The following OVCH1 variants were observed in gnomAD, a reference collection of about 807,000 sequenced individuals.
OVCH1 encodes the protein ovochymase-1.
OVCH1 carries 139 observed loss-of-function variants against 138.4 expected under a neutral mutation model. The observed-to-expected ratio is 1.00, with a 90% CI of 0.87 to 1.16. OVCH1 has a LOEUF of 1.16. OVCH1 is among the 50% of genes most tolerant of loss of function. The pLI, the probability that OVCH1 is intolerant of heterozygous loss-of-function variation, is 0.00. For missense variants in OVCH1, 1,367 were observed against 1,357.9 expected, an observed-to-expected ratio of 1.01 and a Z score of -0.11; for synonymous variants, 453 against 467.8, an observed-to-expected ratio of 0.97 and a Z score of 0.41.
intron 24 of OVCH1, among the ~76,000 whole-genome samples, 176 bp downstream of exon 24, chr12:29,443,969 T>G (rs1321290720): frequency 6.6e-6 from 1 of 152,134 alleles, no homozygotes; most frequent in Non-Finnish European, 1.5e-5. Context: ...AAGGACATTC[T>G]TATATTGTTT....
At chr12:29,439,987 G>C (rs1407834431) in intron 25 of OVCH1, among the ~76,000 whole-genome samples, 1 of 152,182 alleles carries the variant, frequency 6.6e-6, no homozygotes, top group Non-Finnish European at 1.5e-5. Flanking sequence ...CACCCTCCGT[G>C]TGTTCACCAA....
intron 16 of OVCH1, among the ~76,000 whole-genome samples, chr12:29,468,403 T>A (rs1942390203): frequency 6.6e-6 from 1 of 152,198 alleles, no homozygotes; most frequent in Non-Finnish European, 1.5e-5. Flanking sequence ...GTTTATTAAT[T>A]TCAATTGATT....
In OVCH1 at chr12:29,485,003, T is replaced by C. The variant is rs142069151; in HGVS notation, c.995+1243A>G. ...AAACATTTCTGAATTCACCATAATTTGAATCAAAATCAAAACTTTTAAAAA... is the reference window on the plus strand; with the variant it reads ...AAACATTTCTGAATTCACCATAATTCGAATCAAAATCAAAACTTTTAAAAA... On this transcript the variant is annotated intron_variant, in intron 8 of 27. Transcript: ENST00000318184. Among the ~76,000 whole-genome samples, 1,092 of 152,332 alleles carry C rather than the reference T, an allele frequency of 7.2e-3. 8 individuals carry two copies. The highest frequency in any genetic ancestry group is 0.013 in the South Asian group (61 of 4,832).
At chr12:29,495,318 C>T (rs1390908211) in exon 4 of OVCH1, 6 of 1,612,692 alleles carry the variant, frequency 3.7e-6, no homozygotes, top group African/African-American at 1.3e-5. Flanking sequence ...TACAGCAGTG[C>T]AATATCAGGA....
intron 12 of OVCH1, among the ~76,000 whole-genome samples, chr12:29,476,677 T>TGTG (rs1328814591): frequency 2.0e-5 from 3 of 152,054 alleles, no homozygotes; most frequent in Admixed American, 6.6e-5. Context: ...AGAAGAGCTC[T>TGTG]GTGGGCTCAT....
At chr12:29,406,121 TATGTGTGTCTGA>T in the OVCH1 span, among the ~76,000 whole-genome samples, 1 of 152,180 alleles carries the variant, frequency 6.6e-6, no homozygotes, top group South Asian at 2.1e-4. Context: ...AACAATTGTG[TATGTGTGTCTGA>T]GTTTGTGTAT....
chr12:29,470,442 C>T (rs1418080221), intron 16 of OVCH1, among the ~76,000 whole-genome samples: 2 of 152,140 alleles, frequency 1.3e-5, no homozygotes, highest in Non-Finnish European at 2.9e-5. Flanking sequence ...TTGTTCAACT[C>T]CCACTTATGA....
chr12:29,458,529 A>T (rs1052721820), intron 19 of OVCH1, among the ~76,000 whole-genome samples: 6 of 152,192 alleles, frequency 3.9e-5, no homozygotes, highest in African/African-American at 1.4e-4. Context: ...TAAGACCTCA[A>T]ACTATAAAAT....
At chr12:29,432,073 C>T (rs1232820261) in intron 27 of OVCH1, among the ~76,000 whole-genome samples, 3 of 152,126 alleles carry the variant, frequency 2.0e-5, no homozygotes, top group Non-Finnish European at 2.9e-5. Context: ...GGCATGCTTG[C>T]TGAGGAACAG....
At chr12:29,411,134 C>T (rs1042123063), downstream of OVCH1, among the ~76,000 whole-genome samples, 5 of 98,670 alleles carry the variant, frequency 5.1e-5, no homozygotes, top group African/African-American at 1.4e-4. Context: ...CCGTAGTTCT[C>T]GAGCCTTGGC....
chr12:29,496,659 A>T (rs772650878), exon 2 of OVCH1: 1 of 1,611,962 alleles, frequency 6.2e-7, no homozygotes, highest in Non-Finnish European at 8.5e-7. Context: ...GACCATGCGA[A>T]TTCCACACTT....
intron 6 of OVCH1, among the ~76,000 whole-genome samples, chr12:29,488,115 T>G (rs1565611799): frequency 6.6e-6 from 1 of 152,110 alleles, no homozygotes; most frequent in Admixed American, 6.5e-5. Flanking sequence ...GGCTGCAATC[T>G]TGTCAGGTTA....
chr12:29,412,912 G>T (rs1009778913), intron 3 of OVCH1, among the ~76,000 whole-genome samples: 1 of 152,144 alleles, frequency 6.6e-6, no homozygotes, highest in Non-Finnish European at 1.5e-5. Context: ...CAGTAGTGCA[G>T]TAGTAGCTCA....
intron 26 of OVCH1, among the ~76,000 whole-genome samples, chr12:29,439,159 C>A (rs1254257462): frequency 6.7e-6 from 1 of 150,184 alleles, no homozygotes; most frequent in Non-Finnish European, 1.5e-5. Context: ...CTACAACTGT[C>A]CCCAATATAT....
At chr12:29,411,058 A>G (rs1283983070), downstream of OVCH1, among the ~76,000 whole-genome samples, 1 of 139,246 alleles carries the variant, frequency 7.2e-6, no homozygotes, top group African/African-American at 2.5e-5. Context: ...CATTCATTTC[A>G]TCTTCCATCG....
downstream of OVCH1, among the ~76,000 whole-genome samples, chr12:29,424,890 A>G (rs1941157899): frequency 6.6e-6 from 1 of 152,216 alleles, no homozygotes. Flanking sequence ...CCTCAGCAAA[A>G]TTTTTACAGC....
intron 19 of OVCH1, chr12:29,461,614 C>T (rs534437442): frequency 3.6e-6 from 2 of 555,438 alleles, no homozygotes; most frequent in African/African-American, 1.9e-5. Flanking sequence ...TTCTCACCAG[C>T]TCCTCTATGA....
At chr12:29,440,977 G>C (rs1196556694) in intron 25 of OVCH1, among the ~76,000 whole-genome samples, 3 of 152,138 alleles carry the variant, frequency 2.0e-5, no homozygotes. Context: ...TGGTATCCTT[G>C]ATTAAGTAAA....
chr12:29,460,026 T>A (rs1279303182), intron 19 of OVCH1, among the ~76,000 whole-genome samples: 8 of 152,236 alleles, frequency 5.3e-5, no homozygotes, highest in Non-Finnish European at 1.2e-4. Context: ...ACCCTTCTAG[T>A]AACTCAGTGT....
Sources: gnomAD v4.1 joint callset for allele counts (sites outside exome capture counted in the v4.1 genomes callset) on GRCh38, gnomAD v4.1.1 for gene constraint, MANE v1.5 for transcripts, NCBI Gene and HGNC (gene_info 2026-07-23, HGNC 2026-07-21) for gene names.